SMYD3: variants seen among roughly 807,000 people sequenced by gnomAD.
SMYD3 encodes the protein histone-lysine N-methyltransferase SMYD3.
In SMYD3, 36 loss-of-function variants were observed where a neutral mutation model predicts 57.7. The observed-to-expected ratio is 0.62, with a 90% CI of 0.48 to 0.82. The LOEUF (loss-of-function observed/expected upper bound fraction) is 0.82. SMYD3 is among the 40% of genes least tolerant of loss of function. The pLI, the probability that SMYD3 is intolerant of heterozygous loss-of-function variation, is 0.00. For synonymous variants in SMYD3, 211 were observed against 195.0 expected, an observed-to-expected ratio of 1.08 and a Z score of -0.68; for missense variants, 515 against 538.8, an observed-to-expected ratio of 0.96 and a Z score of 0.44.
intron 10 of SMYD3, among the ~76,000 whole-genome samples, chr1:245,803,373 C>G (rs1447384928): frequency 6.6e-6 from 1 of 152,140 alleles, no homozygotes; most frequent in Non-Finnish European, 1.5e-5. Flanking sequence ...AAACAATTAC[C>G]ACTACAAACC....
In SMYD3 at chr1:246,429,243, C is replaced by G. The variant is rs527865902; in HGVS notation, c.165-74149G>C. ...GTAGAAGCCACACTGTCCACTGCAA[C>G]CAGTGATACTCTTGGGTGATACAAC... On this transcript the variant is annotated intron_variant, in intron 1 of 11. Transcript: ENST00000490107. Among the ~76,000 whole-genome samples the G allele has an allele frequency of 4.6e-5, 7 of 152,066 alleles. No individual in the cohort carries two copies. The South Asian group carries it at 1.5e-3, about 32-fold the overall frequency.
intron 1 of SMYD3, among the ~76,000 whole-genome samples, chr1:246,439,743 T>G (rs1455469245): frequency 6.6e-6 from 1 of 151,774 alleles, no homozygotes; most frequent in East Asian, 1.9e-4. Flanking sequence ...AGCCCAGGAG[T>G]TGAAGACCAG....
Position 246,070,203 on chromosome 1 carries a change from C to G in SMYD3, c.532-140266G>C, listed in dbSNP as rs142403660. ...ACGGCAACAGCAGTCTCTGGTCCTTCTTTTCATTTCCCGGGACCTCCATCC... is the reference window on the plus strand; with the variant it reads ...ACGGCAACAGCAGTCTCTGGTCCTTGTTTTCATTTCCCGGGACCTCCATCC... On this transcript the variant is annotated intron_variant, in intron 5 of 11. Transcript: ENST00000490107. 8.9e-4 allele frequency among the ~76,000 whole-genome samples: 135 copies of G among 152,258 alleles called. 1 individual carries two copies. The highest frequency in any genetic ancestry group is 3.1e-3 in the African/African-American group (127 of 41,546).
At chr1:246,395,550 G>A (rs1212916166) in intron 1 of SMYD3, among the ~76,000 whole-genome samples, 2 of 152,036 alleles carry the variant, frequency 1.3e-5, no homozygotes, top group African/African-American at 4.8e-5. Context: ...TTTTTCACAA[G>A]TGGACAATGT....
chr1:246,390,061 A>C (rs1371186719), intron 1 of SMYD3, among the ~76,000 whole-genome samples: 2 of 152,028 alleles, frequency 1.3e-5, no homozygotes, highest in East Asian at 3.9e-4. Flanking sequence ...GTGGGAGACA[A>C]AAAGGGAAAA....
chr1:246,028,669 A>G (rs2059617295), intron 5 of SMYD3, among the ~76,000 whole-genome samples: 1 of 152,232 alleles, frequency 6.6e-6, no homozygotes, highest in South Asian at 2.1e-4. Flanking sequence ...AGCAATCTAC[A>G]GATGTAATGT....
At chr1:246,252,564 T>C (rs2063815008) in intron 5 of SMYD3, among the ~76,000 whole-genome samples, 1 of 152,194 alleles carries the variant, frequency 6.6e-6, no homozygotes, top group Non-Finnish European at 1.5e-5. Context: ...AAAAAATCCA[T>C]GTATTTATTA....
chr1:246,122,110 C>T (rs929531127), intron 5 of SMYD3, among the ~76,000 whole-genome samples: 7 of 151,488 alleles, frequency 4.6e-5, no homozygotes, highest in Non-Finnish European at 1.0e-4. Context: ...TAAGTAGACA[C>T]ACTTATAAAG....
intron 4 of SMYD3, among the ~76,000 whole-genome samples, chr1:246,328,378 G>C (rs1027262005): frequency 6.6e-6 from 1 of 152,192 alleles, no homozygotes; most frequent in African/African-American, 2.4e-5. Flanking sequence ...TAACATGTGA[G>C]AGCATTTCAC....
chr1:246,496,168 T>C (rs936864183), intron 1 of SMYD3, among the ~76,000 whole-genome samples: 2 of 151,480 alleles, frequency 1.3e-5, no homozygotes, highest in African/African-American at 2.4e-5. Flanking sequence ...TCCCAAGTGG[T>C]TGGGATTACA....
At chr1:246,149,311 T>C (rs771078450) in intron 5 of SMYD3, among the ~76,000 whole-genome samples, 2 of 152,226 alleles carry the variant, frequency 1.3e-5, no homozygotes, top group Non-Finnish European at 2.9e-5. Context: ...AGGGCTCGAC[T>C]TAGAATTTAG....
intron 11 of SMYD3, among the ~76,000 whole-genome samples, chr1:245,757,113 T>G (rs1302143936): frequency 1.3e-5 from 2 of 152,224 alleles, no homozygotes; most frequent in East Asian, 3.9e-4. Context: ...GTACTGAAAC[T>G]GTGTACCCAT....
intron 5 of SMYD3, among the ~76,000 whole-genome samples, chr1:246,137,288 T>C (rs2061678874): frequency 6.6e-6 from 1 of 152,204 alleles, no homozygotes; most frequent in Non-Finnish European, 1.5e-5. Flanking sequence ...CCTGAGTCCA[T>C]GGGATTCACA....
chr1:245,919,582 G>C (rs116647499), intron 7 of SMYD3, among the ~76,000 whole-genome samples: 1 of 152,104 alleles, frequency 6.6e-6, no homozygotes, highest in Non-Finnish European at 1.5e-5. Context: ...AGTGCTTAAT[G>C]GCAAAAATAT....
chr1:246,506,323 C>T (rs555422681), intron 1 of SMYD3, among the ~76,000 whole-genome samples: 26 of 152,338 alleles, frequency 1.7e-4, no homozygotes, highest in Admixed American at 5.9e-4. Flanking sequence ...AAAACACCTT[C>T]ACGTGAATCC....
intron 6 of SMYD3, among the ~76,000 whole-genome samples, chr1:245,929,248 G>GA: frequency 6.6e-6 from 1 of 152,196 alleles, no homozygotes; most frequent in Non-Finnish European, 1.5e-5. Flanking sequence ...TGAGAAATAA[G>GA]AAAAAAGGCT....
chr1:245,867,291 C>A (rs747329154), intron 8 of SMYD3, among the ~76,000 whole-genome samples: 1 of 152,222 alleles, frequency 6.6e-6, no homozygotes, highest in Non-Finnish European at 1.5e-5. Flanking sequence ...GCCTTGCCCA[C>A]ACCTTGATTT....
chr1:245,848,991 A>G (rs2050813363), intron 10 of SMYD3, among the ~76,000 whole-genome samples: 1 of 152,220 alleles, frequency 6.6e-6, no homozygotes, highest in African/African-American at 2.4e-5. Flanking sequence ...AGTATCTAAA[A>G]CATTAGAGTT....
intron 5 of SMYD3, among the ~76,000 whole-genome samples, chr1:245,973,889 A>G (rs1212694212): frequency 6.6e-6 from 1 of 152,256 alleles, no homozygotes; most frequent in Non-Finnish European, 1.5e-5. Context: ...TAAATTTTAA[A>G]TATGATAGGA....
Sources: allele counts gnomAD v4.1 joint callset (sites outside exome capture counted in the v4.1 genomes callset), GRCh38; gene constraint gnomAD v4.1.1; transcripts MANE v1.5; gene names NCBI Gene and HGNC (gene_info 2026-07-23, HGNC 2026-07-21).